Variants in SPATA13 observed in about 807,000 individuals in gnomAD.
SPATA13 encodes spermatogenesis-associated protein 13.
Under a neutral mutation model 104.0 loss-of-function variants are expected in SPATA13, and 50 were observed. The ratio of observed to expected loss-of-function variants is 0.48; its 90% CI spans 0.38 to 0.61. SPATA13 has a LOEUF of 0.61. SPATA13 is among the 20% of genes least tolerant of loss of function. SPATA13 has a pLI of 0.00. For synonymous variants in SPATA13, 606 were observed against 667.5 expected (o/e 0.91, Z 1.42); for missense variants, 1,524 against 1,690.6 (o/e 0.90, Z 1.73).
At chr13:24,218,248 G>T (rs1425330507) in intron 1 of SPATA13, among the ~76,000 whole-genome samples, 18 of 152,328 alleles carry the variant, frequency 1.2e-4, no homozygotes, top group Non-Finnish European at 2.4e-4. Flanking sequence ...AATGCAGGCT[G>T]GGAATGAGGC....
chr13:24,097,341 A>G (rs1387328410), intron 3 of SPATA13, among the ~76,000 whole-genome samples: 1 of 152,200 alleles, frequency 6.6e-6, no homozygotes, highest in Non-Finnish European at 1.5e-5. Context: ...TCATGCAACT[A>G]GTAGGTGACT....
intron 4 of SPATA13, among the ~76,000 whole-genome samples, chr13:24,260,656 A>AT (rs1410924210): frequency 1.3e-5 from 2 of 152,246 alleles, no homozygotes; most frequent in African/African-American, 2.4e-5. Context: ...TGTTAAAGAA[A>AT]ATTCTATCAA....
chr13:24,008,546 G>A (rs1259714303), intron 2 of SPATA13, among the ~76,000 whole-genome samples: 1 of 152,094 alleles, frequency 6.6e-6, no homozygotes, highest in African/African-American at 2.4e-5. Flanking sequence ...GTAGGGAGCA[G>A]GAGAGCAGGA....
intron 7 of SPATA13, among the ~76,000 whole-genome samples, chr13:24,288,603 T>C (rs1231654597): frequency 6.6e-6 from 1 of 152,198 alleles, no homozygotes; most frequent in Admixed American, 6.5e-5. Context: ...TGCACAGAGC[T>C]GCATGGGCTA....
Position 24,164,316 on chromosome 13 carries a change from C to T in SPATA13, c.-112+3384C>T, listed in dbSNP as rs532773037. Among the ~76,000 whole-genome samples the T allele has an allele frequency of 2.6e-5, 4 of 152,346 alleles. No homozygotes were observed. In the East Asian group the frequency reaches 5.8e-4, roughly 22 times the overall value. On this transcript the variant is annotated intron_variant, in intron 1 of 12. Transcript: ENST00000382108. ...CATCCTTCTCTGGACTCCCACTGAG[C>T]CCCCTTGCTCCTGCCTCTGCTCCCT...
intron 3 of SPATA13, among the ~76,000 whole-genome samples, chr13:24,250,596 A>G (rs2146685): frequency 0.44 from 66,446 of 152,014 alleles, 16,542 homozygotes; most frequent in East Asian, 0.6. Context: ...CCATAAAATT[A>G]TCTTAAAAGG....
intron 3 of SPATA13, among the ~76,000 whole-genome samples, chr13:24,072,021 G>A (rs918315105): frequency 9.9e-5 from 15 of 152,110 alleles, no homozygotes; most frequent in African/African-American, 3.1e-4. Flanking sequence ...TCCATATGCC[G>A]TCTTCTCATT....
At chr13:23,998,686 C>T (rs1223157557) in intron 2 of SPATA13, among the ~76,000 whole-genome samples, 1 of 152,126 alleles carries the variant, frequency 6.6e-6, no homozygotes, top group Non-Finnish European at 1.5e-5. Flanking sequence ...TGTGTTCTTA[C>T]AGAAGTTTTG....
rs1381776782 is a variant in SPATA13 at position 24,302,963 on chromosome 13, G to A, written c.*190G>A. 1.4e-5 allele frequency: 10 copies of A among 693,604 alleles called. No individual in the cohort carries two copies. In the Admixed American group the frequency reaches 2.1e-4, roughly 15 times the overall value. 43.0% of individuals were successfully genotyped at this position (693,604 alleles called of 1,614,324 possible). ...ACCCAGCTGCCTTTGTGGAAGGGAG[G>A]AGACGGTCATGACACAAAGCTTTAT... On this transcript the variant is annotated 3_prime_UTR_variant, in exon 13 of 13. Transcript: ENST00000382108.
chr13:24,192,414 T>C (rs1869812584), intron 1 of SPATA13, among the ~76,000 whole-genome samples: 1 of 152,098 alleles, frequency 6.6e-6, no homozygotes, highest in African/African-American at 2.4e-5. Context: ...GCTACTCTAG[T>C]TCTCCTCCTG....
chr13:24,305,529 T>C lies in SPATA13; in HGVS notation c.*2756T>C, dbSNP rs529026880. 224 of 152,378 alleles carry C rather than the reference T, an allele frequency of 1.5e-3. No individual in the cohort carries two copies. The highest frequency in any genetic ancestry group is 5.2e-3 in the African/African-American group (215 of 41,588). The allele number at this position is 152,378 out of a possible 1,614,324, so 9.4% of individuals were successfully genotyped here. On this transcript the variant is annotated 3_prime_UTR_variant, in exon 13 of 13. Transcript: ENST00000382108. ...AATGGAAGGCTCAAGTATTCTCATC[T>C]TCCATTTGCCAAACTTCCTTCCTGA...
chr13:24,089,314 C>T (rs374596629), intron 3 of SPATA13, among the ~76,000 whole-genome samples: 2 of 152,150 alleles, frequency 1.3e-5, no homozygotes, highest in Non-Finnish European at 1.5e-5. Context: ...GGGACCCCCC[C>T]ACACACCACT....
Position 24,144,575 on chromosome 13 carries a change from C to A in SPATA13, c.-111-78244C>A, listed in dbSNP as rs530315359. On this transcript the variant is annotated intron_variant, in intron 3 of 14. Coordinates refer to the SPATA13 transcript ENST00000424834. ...GCCCAGACAAACTTTGATCAGGCAC[C>A]GCTGAGCAGCTCTTGGGGGCTCTTT... Among the ~76,000 whole-genome samples, 506 of 152,220 alleles carry A rather than the reference C, an allele frequency of 3.3e-3. 5 individuals carry two copies. Among genetic ancestry groups the A allele is most frequent in the African/African-American group, 0.011 (469 of 41,528 alleles).
chr13:24,224,147 C>T lies in SPATA13; in HGVS notation c.1218C>T (p.Asp406=), dbSNP rs1343473670. ...CTAAGGGGCCCCACCTAGACGCTGA[C>T]ACTGCCGTATTTCCTCTTGAAACCA... ...ATSKGPHLDA[D]TAVFPLETKS... Residue 406 remains aspartate, a synonymous_variant, in exon 2 of 13, where the codon GAC becomes GAT. Transcript: ENST00000382108. The T allele has an allele frequency of 5.8e-6, 9 of 1,551,658 alleles. No homozygotes were observed. Among genetic ancestry groups the T allele is most frequent in the Non-Finnish European group, 7.8e-6 (9 of 1,147,028 alleles).
intron 1 of SPATA13, among the ~76,000 whole-genome samples, chr13:24,219,234 G>C (rs1871438604): frequency 6.6e-6 from 1 of 152,104 alleles, no homozygotes; most frequent in Non-Finnish European, 1.5e-5. Flanking sequence ...ATGCAACTTG[G>C]TATGTTACTC....
intron 1 of SPATA13, among the ~76,000 whole-genome samples, chr13:24,188,775 T>C (rs1266662276): frequency 6.6e-6 from 1 of 150,556 alleles, no homozygotes; most frequent in African/African-American, 2.5e-5. Flanking sequence ...TTTTTCTAGC[T>C]AGAGAGGAGA....
At chr13:24,289,474 C>G (rs1287194403) in intron 8 of SPATA13, among the ~76,000 whole-genome samples, 1 of 152,192 alleles carries the variant, frequency 6.6e-6, no homozygotes, top group Non-Finnish European at 1.5e-5. Context: ...GCCATAAGAA[C>G]TATGGAGTCC....
chr13:24,262,030 C>T (rs1405314698), intron 4 of SPATA13, among the ~76,000 whole-genome samples: 3 of 152,164 alleles, frequency 2.0e-5, no homozygotes, highest in Non-Finnish European at 4.4e-5. Context: ...ATGAATGTGT[C>T]AGCGTTTATT....
At chr13:24,287,811 T>C (rs1876065346) in intron 7 of SPATA13, among the ~76,000 whole-genome samples, 4 of 152,360 alleles carry the variant, frequency 2.6e-5, no homozygotes, top group Middle Eastern at 6.8e-3. Flanking sequence ...CTTCCTGTGG[T>C]ATTTTGTGCT....
Sources: allele counts gnomAD v4.1 joint callset (sites outside exome capture counted in the v4.1 genomes callset), GRCh38; gene constraint gnomAD v4.1.1; transcripts MANE v1.5; gene names NCBI Gene and HGNC (gene_info 2026-07-23, HGNC 2026-07-21).